MIPEP: variants seen among roughly 807,000 people sequenced by gnomAD.
MIPEP encodes mitochondrial intermediate peptidase.
In MIPEP, 79 loss-of-function variants were observed where a neutral mutation model predicts 90.3. The ratio of observed to expected loss-of-function variants is 0.87; its 90% CI spans 0.73 to 1.05. MIPEP has a LOEUF of 1.05. Among genes scored for constraint, MIPEP ranks in the 50% least tolerant of loss-of-function variants. The pLI is 0.00. For missense variants in MIPEP, 940 were observed against 905.6 expected (o/e 1.04, Z -0.49); for synonymous variants, 334 against 315.8 (o/e 1.06, Z -0.61).
intron 17 of MIPEP, chr13:23,756,824 C>T (rs867678128): frequency 1.4e-5 from 8 of 568,944 alleles, no homozygotes; most frequent in African/African-American, 1.1e-4. Flanking sequence ...TGACATATTC[C>T]CTGTAAGAGG....
chr13:23,796,284 G>T (rs190299638), intron 16 of MIPEP, among the ~76,000 whole-genome samples: 92 of 152,224 alleles, frequency 6.0e-4, no homozygotes, highest in African/African-American at 2.2e-3. Context: ...CAGGGCGGTG[G>T]TGCATGCCTG....
At chr13:23,842,048 T>C (rs1869319651) in intron 10 of MIPEP, among the ~76,000 whole-genome samples, 1 of 152,188 alleles carries the variant, frequency 6.6e-6, no homozygotes, top group Non-Finnish European at 1.5e-5. Flanking sequence ...ACAACGTAAC[T>C]AGTAAGGTGA....
At chr13:23,746,706 G>A (rs1952388260) in intron 18 of MIPEP, among the ~76,000 whole-genome samples, 1 of 151,250 alleles carries the variant, frequency 6.6e-6, no homozygotes, top group Non-Finnish European at 1.5e-5. Context: ...AACATCTTAT[G>A]ATGTTTCCAT....
At chr13:23,769,346 T>C (rs777812651) in intron 16 of MIPEP, among the ~76,000 whole-genome samples, 2 of 152,126 alleles carry the variant, frequency 1.3e-5, no homozygotes, top group African/African-American at 4.8e-5. Flanking sequence ...ATGATAATCA[T>C]AAGTCCTTCA....
intron 15 of MIPEP, among the ~76,000 whole-genome samples, chr13:23,808,373 A>T (rs958048912): frequency 3.3e-5 from 5 of 152,270 alleles, no homozygotes; most frequent in African/African-American, 1.2e-4. Flanking sequence ...TGCTGGGATT[A>T]TAAGTGTGAG....
chr13:23,751,880 G>C (rs1406417813), intron 18 of MIPEP, among the ~76,000 whole-genome samples: 2 of 151,940 alleles, frequency 1.3e-5, no homozygotes, highest in African/African-American at 4.8e-5. Context: ...GTGGATGTCA[G>C]GCAGGTCTCT....
In MIPEP at chr13:23,771,047, C is replaced by T. The variant is rs372370697; in HGVS notation, c.1849-10830G>A. On this transcript the variant is annotated intron_variant, in intron 16 of 18. Coordinates refer to ENST00000382172, the MANE Select transcript of MIPEP (RefSeq NM_005932.4). ...AGAGGACCCTGACCTCATGGCTGCA[C>T]AGTCACTGGGGGGTGCAGACAGTAA... Among the ~76,000 whole-genome samples the T allele has an allele frequency of 2.1e-4, 32 of 152,320 alleles. No homozygotes were observed. The South Asian group carries it at 4.4e-3, about 21-fold the overall frequency.
chr13:23,839,171 C>T (rs570101702), intron 12 of MIPEP, among the ~76,000 whole-genome samples: 36 of 152,272 alleles, frequency 2.4e-4, no homozygotes, highest in Admixed American at 3.9e-4. Context: ...GAGTATCTTC[C>T]GCAGTTTTAG....
intron 16 of MIPEP, among the ~76,000 whole-genome samples, chr13:23,761,127 CTTT>C (rs1219595422): frequency 1.4e-5 from 2 of 139,046 alleles, no homozygotes; most frequent in Non-Finnish European, 3.2e-5. Context: ...GGAATGCATT[CTTT>C]TTTTTTTTTT....
chr13:23,781,015 G>C (rs1419566957), intron 16 of MIPEP, among the ~76,000 whole-genome samples: 1 of 152,224 alleles, frequency 6.6e-6, no homozygotes, highest in Non-Finnish European at 1.5e-5. Flanking sequence ...ATGGAACCAA[G>C]TTGGAAAACA....
chr13:23,826,031 A>G (rs1868437820), intron 14 of MIPEP, among the ~76,000 whole-genome samples: 1 of 152,192 alleles, frequency 6.6e-6, no homozygotes. Context: ...ATATTTGGTG[A>G]TTAGTAATGT....
In MIPEP at chr13:23,864,125, T is replaced by G. The variant is rs911656817; in HGVS notation, c.992+16A>C. ...AACATATAACCAAAAAACTAAATAG[T>G]AGAATAAAAACTAACCTTTCAGAAA... On this transcript the variant is annotated intron_variant, in intron 8 of 18. Coordinates refer to ENST00000382172, the MANE Select transcript of MIPEP (RefSeq NM_005932.4). 77 of 1,441,132 alleles carry G rather than the reference T, an allele frequency of 5.3e-5. No homozygotes were observed. The highest frequency in any genetic ancestry group is 6.8e-5 in the Non-Finnish European group (72 of 1,053,096). 89.3% of individuals were successfully genotyped at this position (1,441,132 alleles called of 1,614,324 possible). A position where few individuals can be genotyped will look rare whatever the true frequency, so the allele number is the denominator to read the frequency against.
chr13:23,861,981 T>G (rs1444279358), intron 9 of MIPEP, among the ~76,000 whole-genome samples: 1 of 152,236 alleles, frequency 6.6e-6, no homozygotes, highest in East Asian at 1.9e-4. Flanking sequence ...AAGCCTCCAC[T>G]GAGTCTCCTT....
intron 10 of MIPEP, among the ~76,000 whole-genome samples, chr13:23,850,125 G>C (rs1467139592): frequency 6.6e-6 from 1 of 152,132 alleles, no homozygotes. Context: ...TGTGGGCGAG[G>C]AAAAAATGGA....
intron 2 of MIPEP, among the ~76,000 whole-genome samples, chr13:23,884,538 C>A (rs1871395110): frequency 6.6e-6 from 1 of 152,188 alleles, no homozygotes; most frequent in South Asian, 2.1e-4. Flanking sequence ...AGCCCAGCTG[C>A]ACCACACGCT....
In MIPEP at chr13:23,756,636, T is replaced by C. The variant is rs1323106188; in HGVS notation, c.1971-18A>G. ...CGGCAGCCCTGGGGAAGAGAGGTTC[T>C]GTTACAGACTCCTGCTTGCACAGCC... is the stretch of plus-strand genomic sequence containing the variant. On this transcript the variant is annotated intron_variant, in intron 17 of 18. Transcript: ENST00000382172. 6.2e-7 allele frequency: 1 copy of C among 1,609,910 alleles called. No homozygotes were observed. The highest frequency in any genetic ancestry group is 8.5e-7 in the Non-Finnish European group (1 of 1,178,950).
intron 18 of MIPEP, among the ~76,000 whole-genome samples, chr13:23,734,123 C>T (rs1293476147): frequency 6.6e-6 from 1 of 152,216 alleles, no homozygotes; most frequent in Admixed American, 6.5e-5. Flanking sequence ...ATACAGAGAA[C>T]ATTTGTAGGG....
At chr13:23,819,526 C>T (rs75085746) in intron 14 of MIPEP, among the ~76,000 whole-genome samples, 5 of 152,144 alleles carry the variant, frequency 3.3e-5, no homozygotes, top group East Asian at 3.9e-4. Context: ...AAAAGTCAAA[C>T]GGATCTATAA....
intron 14 of MIPEP, among the ~76,000 whole-genome samples, chr13:23,833,411 C>T (rs1868864009): frequency 6.6e-6 from 1 of 152,164 alleles, no homozygotes; most frequent in African/African-American, 2.4e-5. Context: ...TCTGTAAGTC[C>T]CTTAAGGGCA....
Sources: allele counts gnomAD v4.1 joint callset (sites outside exome capture counted in the v4.1 genomes callset), GRCh38; gene constraint gnomAD v4.1.1; transcripts MANE v1.5; gene names NCBI Gene and HGNC (gene_info 2026-07-23, HGNC 2026-07-21).